Variants in TMEM132D observed in about 807,000 individuals in gnomAD.
The protein encoded by TMEM132D is transmembrane protein 132D, also known as mature OL transmembrane protein.
In TMEM132D, 21 loss-of-function variants were observed where a neutral mutation model predicts 62.3. That is an observed-to-expected ratio of 0.34 (90% confidence interval 0.24 to 0.49). The LOEUF is 0.49. Ranked by LOEUF, TMEM132D falls within the 20% of genes least tolerant of loss-of-function variation. TMEM132D has a pLI of 0.99. For missense variants in TMEM132D, 1,346 were observed against 1,402.8 expected, an observed-to-expected ratio of 0.96 and a Z score of 0.65; for synonymous variants, 621 against 575.6, an observed-to-expected ratio of 1.08 and a Z score of -1.13.
intron 5 of TMEM132D, among the ~76,000 whole-genome samples, chr12:129,205,806 C>G (rs182203033): frequency 1.7e-3 from 255 of 151,822 alleles, no homozygotes; most frequent in Middle Eastern, 3.4e-3. Flanking sequence ...AAAATTGAAA[C>G]CATACCAACC....
At chr12:129,593,609 C>A (rs970519417) in intron 2 of TMEM132D, among the ~76,000 whole-genome samples, 1 of 152,164 alleles carries the variant, frequency 6.6e-6, no homozygotes, top group Non-Finnish European at 1.5e-5. Context: ...AAATATTGCA[C>A]TTTTGGCTTT....
Position 129,078,523 on chromosome 12 carries a change from C to T in TMEM132D, c.2115+11G>A, listed in dbSNP as rs976745047. The T allele has an allele frequency of 6.2e-7, 1 of 1,610,278 alleles. No individual in the cohort carries two copies. The highest frequency in any genetic ancestry group is 8.5e-7 in the Non-Finnish European group (1 of 1,177,784). On this transcript the variant is annotated intron_variant, in intron 8 of 8. Coordinates refer to ENST00000422113, the MANE Select transcript of TMEM132D (RefSeq NM_133448.3). ...ACCCTGCTGAAGTGTGTCTCAAGCC[C>T]TCCTCCATACCTGTTTTGGCCTCTG...
intron 1 of TMEM132D, among the ~76,000 whole-genome samples, chr12:129,766,214 C>A (rs1322172909): frequency 1.3e-5 from 2 of 148,902 alleles, no homozygotes; most frequent in Non-Finnish European, 3.0e-5. Context: ...AAGCATGAGC[C>A]AAAATTAAGC....
chr12:129,118,032 C>T (rs1488016168), intron 5 of TMEM132D, among the ~76,000 whole-genome samples: 1 of 152,156 alleles, frequency 6.6e-6, no homozygotes, highest in East Asian at 1.9e-4. Context: ...GTATTTTGTG[C>T]ATCTGCCCAG....
chr12:129,146,769 A>G (rs1264307553), intron 5 of TMEM132D, among the ~76,000 whole-genome samples: 1 of 152,140 alleles, frequency 6.6e-6, no homozygotes, highest in Non-Finnish European at 1.5e-5. Flanking sequence ...TGGGACTAAT[A>G]ACAACAGGTT....
chr12:129,572,470 C>T (rs1027279510), intron 2 of TMEM132D, among the ~76,000 whole-genome samples: 5 of 151,542 alleles, frequency 3.3e-5, no homozygotes, highest in Non-Finnish European at 5.9e-5. Context: ...TTTGTTGAGA[C>T]GGAGTTTCAC....
intron 1 of TMEM132D, among the ~76,000 whole-genome samples, chr12:129,793,699 C>T (rs1871469278): frequency 6.6e-6 from 1 of 152,224 alleles, no homozygotes; most frequent in African/African-American, 2.4e-5. Flanking sequence ...CTGATAAACA[C>T]AGCCAAACTG....
intron 5 of TMEM132D, among the ~76,000 whole-genome samples, chr12:129,125,309 C>T (rs536908860): frequency 6.6e-6 from 1 of 152,142 alleles, no homozygotes; most frequent in Non-Finnish European, 1.5e-5. Context: ...ATTCCCTCCA[C>T]CCTTTCAGAA....
intron 2 of TMEM132D, among the ~76,000 whole-genome samples, chr12:129,599,192 G>A (rs756444100): frequency 2.6e-5 from 4 of 152,192 alleles, no homozygotes; most frequent in Admixed American, 6.5e-5. Context: ...CATGCTGAAA[G>A]CAGCACCACC....
intron 2 of TMEM132D, among the ~76,000 whole-genome samples, chr12:129,638,063 T>A (rs1223963293): frequency 1.3e-5 from 2 of 152,148 alleles, no homozygotes. Context: ...CCTGCACAAT[T>A]TCTGTGTAAG....
At chr12:129,511,348 T>A (rs1478053092) in intron 3 of TMEM132D, among the ~76,000 whole-genome samples, 1 of 152,222 alleles carries the variant, frequency 6.6e-6, no homozygotes, top group Non-Finnish European at 1.5e-5. Context: ...TGCATCTGTG[T>A]TATGTGCACC....
At chr12:129,444,901 C>G (rs1237898792) in intron 3 of TMEM132D, among the ~76,000 whole-genome samples, 1 of 152,104 alleles carries the variant, frequency 6.6e-6, no homozygotes, top group East Asian at 1.9e-4. Flanking sequence ...ACTAGTTCAA[C>G]CATTGTGGAA....
chr12:129,768,265 TCTA>T (rs1593154459), intron 1 of TMEM132D, among the ~76,000 whole-genome samples: 1 of 152,180 alleles, frequency 6.6e-6, no homozygotes. Context: ...ATATATTGAT[TCTA>T]CTTTTAATTT....
chr12:129,342,013 C>A (rs1407016336), intron 3 of TMEM132D, among the ~76,000 whole-genome samples: 12 of 152,138 alleles, frequency 7.9e-5, no homozygotes, highest in Non-Finnish European at 1.6e-4. Context: ...AGGTCATTTA[C>A]AGATTCAATG....
At chr12:129,468,139 CAA>C (rs1234931865) in intron 3 of TMEM132D, among the ~76,000 whole-genome samples, 1 of 152,080 alleles carries the variant, frequency 6.6e-6, no homozygotes, top group Non-Finnish European at 1.5e-5. Context: ...GTAGATAAAG[CAA>C]AGACATTTTC....
chr12:129,351,096 C>T (rs1593347287), intron 3 of TMEM132D, among the ~76,000 whole-genome samples: 5 of 152,210 alleles, frequency 3.3e-5, no homozygotes, highest in African/African-American at 1.2e-4. Context: ...GCAAGATAAT[C>T]TGCCAAAAAT....
chr12:129,473,455 G>A (rs1228520380), intron 3 of TMEM132D, among the ~76,000 whole-genome samples: 1 of 142,218 alleles, frequency 7.0e-6, no homozygotes, highest in Non-Finnish European at 1.5e-5. Context: ...TCAGCCTTCT[G>A]AATAGCTGAG....
intron 2 of TMEM132D, among the ~76,000 whole-genome samples, chr12:129,669,256 G>A (rs1880446225): frequency 6.6e-6 from 1 of 152,090 alleles, no homozygotes; most frequent in African/African-American, 2.4e-5. Context: ...AATAAAAATG[G>A]GGACTGGAGA....
At chr12:129,590,043 A>C (rs942794072) in intron 2 of TMEM132D, among the ~76,000 whole-genome samples, 1 of 152,148 alleles carries the variant, frequency 6.6e-6, no homozygotes, top group African/African-American at 2.4e-5. Context: ...CCAGGAGTAC[A>C]TATTTAGTTC....
Sources: gnomAD v4.1 joint callset for allele counts (sites outside exome capture counted in the v4.1 genomes callset) on GRCh38, gnomAD v4.1.1 for gene constraint, MANE v1.5 for transcripts, NCBI Gene and HGNC (gene_info 2026-07-23, HGNC 2026-07-21) for gene names.